Variants in LRRC7 observed in about 807,000 individuals in gnomAD.
LRRC7 encodes the protein leucine rich repeat containing 7.
LRRC7 carries 23 observed loss-of-function variants against 175.7 expected under a neutral mutation model. That is an observed-to-expected ratio of 0.13 (90% CI 0.09 to 0.19). The LOEUF (loss-of-function observed/expected upper bound fraction) is 0.19, where lower values mean the gene tolerates loss of function less well. Ranked by LOEUF, LRRC7 falls within the 10% of genes least tolerant of loss-of-function variation. The probability of loss-of-function intolerance (pLI) is 1.00; values close to 1 mark genes in which losing one functional copy is unlikely to be tolerated. For missense variants in LRRC7, 1,354 were observed against 1,904.7 expected, an observed-to-expected ratio of 0.71 and a Z score of 5.38; for synonymous variants, 685 against 680.9, an observed-to-expected ratio of 1.01 and a Z score of -0.09.
chr1:70,085,146 A>T (rs978398649), intron 24 of LRRC7, among the ~76,000 whole-genome samples: 2 of 152,056 alleles, frequency 1.3e-5, no homozygotes, highest in South Asian at 4.1e-4. Context: ...TTTAGTTTTT[A>T]TGAAGTCCAA....
chr1:69,596,264 G>A (rs1276937491), intron 1 of LRRC7, among the ~76,000 whole-genome samples: 1 of 152,158 alleles, frequency 6.6e-6, no homozygotes, highest in Non-Finnish European at 1.5e-5. Context: ...AATCCGGAGA[G>A]GTTAGATAAC....
intron 11 of LRRC7, among the ~76,000 whole-genome samples, chr1:70,006,395 C>T (rs1320417138): frequency 6.6e-6 from 1 of 151,472 alleles, no homozygotes; most frequent in Non-Finnish European, 1.5e-5. Context: ...TCGCTTGAAC[C>T]CGGGAGGCAG....
At position 70,044,253 on chromosome 1, in the gene LRRC7, C is replaced by T. The variant is rs544118598; in HGVS notation, c.4110+159C>T. Among the ~76,000 whole-genome samples the T allele has an allele frequency of 5.9e-5, 9 of 152,250 alleles. No homozygotes were observed. In the South Asian group the frequency reaches 1.0e-3, roughly 18 times the overall value. On this transcript the variant is annotated intron_variant, in intron 22 of 26. Transcript: ENST00000651989. ...GTAATGTAGAGCCTGAACTCTTAGC[C>T]GCTAAATGAATATTTGTAGCTGGAC... is the stretch of plus-strand genomic sequence containing the variant.
chr1:69,824,409 G>A (rs1190381246), intron 4 of LRRC7, among the ~76,000 whole-genome samples: 6 of 152,100 alleles, frequency 3.9e-5, no homozygotes, highest in African/African-American at 1.4e-4. Flanking sequence ...CCAAAAACAA[G>A]AGAAACAGGC....
intron 1 of LRRC7, among the ~76,000 whole-genome samples, chr1:69,594,292 A>C (rs145649144): frequency 0.013 from 1,904 of 152,278 alleles, 25 homozygotes; most frequent in Non-Finnish European, 0.019. Context: ...ATTAGAAGAA[A>C]ACTCTAGCAT....
rs905870048 is a variant in LRRC7 at position 70,116,440 on chromosome 1, G to A, written c.4621-5340G>A. Among the ~76,000 whole-genome samples the A allele has an allele frequency of 6.6e-5, 10 of 152,086 alleles. No individual in the cohort carries two copies. The East Asian group carries it at 1.9e-3, about 29-fold the overall frequency. ...CAGGCGCCTGTAGTCCCAGCTACTC[G>A]GGAGGCTGAGGCGGGAGAATGGCGT... On this transcript the variant is annotated intron_variant, in intron 26 of 26. Transcript: ENST00000651989.
At chr1:69,895,642 A>G (rs1345480961) in intron 7 of LRRC7, among the ~76,000 whole-genome samples, 1 of 152,144 alleles carries the variant, frequency 6.6e-6, no homozygotes, top group Non-Finnish European at 1.5e-5. Flanking sequence ...TTCTATCACT[A>G]TAGATGAGTC....
At chr1:69,746,597 A>C (rs1669281556) in intron 2 of LRRC7, among the ~76,000 whole-genome samples, 1 of 152,126 alleles carries the variant, frequency 6.6e-6, no homozygotes, top group East Asian at 1.9e-4. Flanking sequence ...TATCTGTACA[A>C]AACAGAATTT....
chr1:69,622,822 T>C lies in LRRC7; in HGVS notation c.2+54181T>C, dbSNP rs76434851. On this transcript the variant is annotated intron_variant, in intron 1 of 26. Coordinates refer to ENST00000651989, the MANE Select transcript of LRRC7 (RefSeq NM_001370785.2). ...CCATGCTATTATTCAATTTGGCAAG[T>C]AAAAACTCAAGTTACTTGGCAAATG... 8.7e-3 allele frequency among the ~76,000 whole-genome samples: 1,330 copies of C among 152,270 alleles called. 11 individuals carry two copies. The highest frequency in any genetic ancestry group is 0.015 in the Non-Finnish European group (1,032 of 68,010).
chr1:69,918,960 T>C (rs1483400781), intron 7 of LRRC7, among the ~76,000 whole-genome samples: 1 of 152,140 alleles, frequency 6.6e-6, no homozygotes, highest in Non-Finnish European at 1.5e-5. Flanking sequence ...ATATTATAAA[T>C]TTTAAAATAT....
intron 11 of LRRC7, among the ~76,000 whole-genome samples, chr1:69,994,947 T>C (rs1172237352): frequency 6.6e-6 from 1 of 152,272 alleles, no homozygotes; most frequent in East Asian, 1.9e-4. Flanking sequence ...TTTGATGTTT[T>C]TGACTGAGTA....
chr1:70,125,158 T>A lies in LRRC7; in HGVS notation c.*3271T>A, dbSNP rs1231340112. Among the ~76,000 whole-genome samples, 2 of 152,324 alleles carry A rather than the reference T, an allele frequency of 1.3e-5. No individual in the cohort carries two copies. Among genetic ancestry groups the A allele is most frequent in the East Asian group, 3.9e-4 (2 of 5,186 alleles). ...TTCAAAGTCAGTATGAAATAAAACA[T>A]TATGCTAATGTATTGCTCATTGAAG... is the stretch of plus-strand genomic sequence containing the variant. On this transcript the variant is annotated 3_prime_UTR_variant, in exon 27 of 27. Transcript: ENST00000651989.
chr1:70,113,179 T>C (rs1040566199), intron 26 of LRRC7, among the ~76,000 whole-genome samples: 2 of 152,192 alleles, frequency 1.3e-5, no homozygotes, highest in Admixed American at 6.5e-5. Context: ...ATACAAACAC[T>C]GAATCACGCT....
intron 8 of LRRC7, among the ~76,000 whole-genome samples, chr1:69,944,791 G>T (rs536743751): frequency 1.3e-5 from 2 of 151,684 alleles, no homozygotes; most frequent in African/African-American, 4.8e-5. Flanking sequence ...TCTTATACCT[G>T]TGGGTTATTT....
At chr1:69,648,581 G>T (rs1280044284) in intron 1 of LRRC7, among the ~76,000 whole-genome samples, 1 of 152,200 alleles carries the variant, frequency 6.6e-6, no homozygotes, top group Non-Finnish European at 1.5e-5. Flanking sequence ...ACTAGCAGCA[G>T]CTACATATCC....
intron 1 of LRRC7, among the ~76,000 whole-genome samples, chr1:69,596,152 TAAG>T (rs1179505566): frequency 1.3e-5 from 2 of 152,098 alleles, no homozygotes; most frequent in African/African-American, 2.4e-5. Context: ...AAGTCCATTA[TAAG>T]AAGAGCACCA....
At chr1:69,806,508 C>T (rs994251487) in intron 4 of LRRC7, among the ~76,000 whole-genome samples, 1 of 151,894 alleles carries the variant, frequency 6.6e-6, no homozygotes, top group Non-Finnish European at 1.5e-5. Flanking sequence ...CTTTACAATG[C>T]TACTAAAATA....
rs1657177532 is a variant in LRRC7, at chr1:70,018,727, C to T, written c.1329C>T (p.Ala443=). The T allele has an allele frequency of 6.2e-7, 1 of 1,610,976 alleles. No homozygotes were observed. Among genetic ancestry groups the T allele is most frequent in the Non-Finnish European group, 8.5e-7 (1 of 1,177,732 alleles). Residue 443 remains alanine (A), a synonymous_variant, in exon 15 of 27, where the codon GCC becomes GCT. Transcript: ENST00000651989. ...ALWLSDNQSK[A]LIPLQTEAHP... ...ATGTTCTTTGCTTCTAGTCCAAAGC[C>T]CTTATCCCTTTACAAACAGAAGCCC...
intron 5 of LRRC7, among the ~76,000 whole-genome samples, chr1:69,830,051 C>T (rs549003368): frequency 8.6e-5 from 13 of 151,888 alleles, no homozygotes; most frequent in South Asian, 6.2e-4. Context: ...TTAAATTTTA[C>T]AGAAACCTCA....
Sources: allele counts gnomAD v4.1 joint callset (sites outside exome capture counted in the v4.1 genomes callset), GRCh38; gene constraint gnomAD v4.1.1; transcripts MANE v1.5; gene names NCBI Gene and HGNC (gene_info 2026-07-23, HGNC 2026-07-21).